Variants in MDGA2 observed in about 807,000 individuals in gnomAD.
MDGA2 encodes the protein MAM domain-containing glycosylphosphatidylinositol anchor protein 2.
Under a neutral mutation model 117.8 loss-of-function variants are expected in MDGA2, and 40 were observed. The observed-to-expected ratio is 0.34, with a 90% CI of 0.26 to 0.44. The LOEUF (loss-of-function observed/expected upper bound fraction) is 0.44, where lower values mean the gene tolerates loss of function less well. Among genes scored for constraint, MDGA2 ranks in the 20% least tolerant of loss-of-function variants. The pLI is 1.00. For missense variants in MDGA2, 1,123 were observed against 1,250.6 expected (o/e 0.90, Z 1.54); for synonymous variants, 452 against 439.0 (o/e 1.03, Z -0.37).
At chr14:47,135,559 C>G (rs959871668) in intron 4 of MDGA2, among the ~76,000 whole-genome samples, 1 of 151,920 alleles carries the variant, frequency 6.6e-6, no homozygotes, top group South Asian at 2.1e-4. Flanking sequence ...GTCTCTTATC[C>G]TTTTGGATCT....
intron 5 of MDGA2, 89 bp downstream of exon 5, chr14:47,131,625 A>T: frequency 9.4e-7 from 1 of 1,062,442 alleles, no homozygotes; most frequent in Non-Finnish European, 1.3e-6. Flanking sequence ...TACACCGTAG[A>T]AATCATTTGG....
At chr14:47,615,650 T>C (rs1206866065) in intron 1 of MDGA2, among the ~76,000 whole-genome samples, 2 of 152,200 alleles carry the variant, frequency 1.3e-5, no homozygotes, top group Non-Finnish European at 2.9e-5. Context: ...AAATGCACAT[T>C]GACACAGTCC....
intron 3 of MDGA2, among the ~76,000 whole-genome samples, chr14:47,151,241 A>G (rs1175792851): frequency 6.6e-6 from 1 of 152,192 alleles, no homozygotes; most frequent in Admixed American, 6.5e-5. Flanking sequence ...TTCAGTTGAG[A>G]AGGCCTTTCA....
chr14:47,036,975 T>C (rs898154607), intron 7 of MDGA2, among the ~76,000 whole-genome samples: 1 of 152,242 alleles, frequency 6.6e-6, no homozygotes, highest in Non-Finnish European at 1.5e-5. Flanking sequence ...GATATATACA[T>C]CCTAGAAATT....
chr14:47,456,277 G>A (rs562266849), intron 1 of MDGA2, among the ~76,000 whole-genome samples: 4 of 147,204 alleles, frequency 2.7e-5, no homozygotes, highest in African/African-American at 1.0e-4. Flanking sequence ...GTCAGTGTGA[G>A]CAAGAAAATT....
chr14:47,386,706 TAAG>T (rs1377695776), intron 1 of MDGA2, among the ~76,000 whole-genome samples: 1 of 152,158 alleles, frequency 6.6e-6, no homozygotes, highest in Non-Finnish European at 1.5e-5. Context: ...TAAATAATAA[TAAG>T]AAGAAGAATC....
At chr14:47,540,052 G>A (rs1566505613) in intron 1 of MDGA2, among the ~76,000 whole-genome samples, 1 of 151,920 alleles carries the variant, frequency 6.6e-6, no homozygotes, top group Admixed American at 6.6e-5. Context: ...TCTCGCTGCC[G>A]CCCAGGCTGG....
At chr14:47,309,774 T>G (rs1889576455) in intron 1 of MDGA2, among the ~76,000 whole-genome samples, 1 of 152,144 alleles carries the variant, frequency 6.6e-6, no homozygotes, top group African/African-American at 2.4e-5. Flanking sequence ...AATTACTTGT[T>G]TATGTGCAGT....
chr14:46,868,783 CCA>C (rs993800325), intron 14 of MDGA2, among the ~76,000 whole-genome samples: 3 of 151,992 alleles, frequency 2.0e-5, no homozygotes, highest in Non-Finnish European at 4.4e-5. Flanking sequence ...CTCCCATTTA[CCA>C]CTCTCCTAAA....
At chr14:47,626,587 C>G (rs1206759618) in intron 1 of MDGA2, 3 of 152,304 alleles carry the variant, frequency 2.0e-5, no homozygotes, top group Non-Finnish European at 2.9e-5. Context: ...GGGGGCTGCG[C>G]CCGGCGCTTG....
At chr14:47,388,323 T>C (rs1013646195) in intron 1 of MDGA2, among the ~76,000 whole-genome samples, 2 of 152,148 alleles carry the variant, frequency 1.3e-5, no homozygotes, top group Non-Finnish European at 2.9e-5. Context: ...GAGAATAGTA[T>C]ACTGAAGTAA....
At chr14:47,206,484 A>G (rs532035339) in intron 3 of MDGA2, among the ~76,000 whole-genome samples, 2 of 152,030 alleles carry the variant, frequency 1.3e-5, no homozygotes, top group South Asian at 4.2e-4. Flanking sequence ...CCAGCTACTC[A>G]AGAGGCTGGG....
intron 1 of MDGA2, among the ~76,000 whole-genome samples, chr14:47,635,433 C>G (rs922945652): frequency 1.3e-5 from 2 of 152,138 alleles, no homozygotes; most frequent in Middle Eastern, 3.4e-3. Context: ...GTATCTAACA[C>G]AGAGCAGATG....
intron 10 of MDGA2, among the ~76,000 whole-genome samples, chr14:46,903,746 T>G (rs1398849807): frequency 6.6e-6 from 1 of 152,222 alleles, no homozygotes; most frequent in East Asian, 1.9e-4. Flanking sequence ...CCTGTTTTAC[T>G]CTATGGCAAA....
chr14:46,940,324 T>C, intron 9 of MDGA2, among the ~76,000 whole-genome samples: 1 of 152,144 alleles, frequency 6.6e-6, no homozygotes, highest in East Asian at 1.9e-4. Flanking sequence ...AAGCTATATC[T>C]TTCCTTAAAA....
At chr14:46,847,001 T>A (rs944464842) in intron 15 of MDGA2, among the ~76,000 whole-genome samples, 1 of 152,028 alleles carries the variant, frequency 6.6e-6, no homozygotes, top group African/African-American at 2.4e-5. Flanking sequence ...CAAATCAGAG[T>A]CATCTCTGAA....
chr14:47,066,387 G>A (rs1014284933), intron 6 of MDGA2, among the ~76,000 whole-genome samples: 4 of 152,178 alleles, frequency 2.6e-5, no homozygotes, highest in Non-Finnish European at 5.9e-5. Context: ...GCAGTCTTGT[G>A]TTCTGAGATG....
intron 1 of MDGA2, among the ~76,000 whole-genome samples, chr14:47,512,124 G>C (rs552746398): frequency 2.6e-5 from 4 of 152,232 alleles, no homozygotes; most frequent in African/African-American, 9.6e-5. Context: ...ACTGCCCATT[G>C]AACACCATGC....
chr14:46,876,620 C>T (rs562229659), intron 12 of MDGA2, among the ~76,000 whole-genome samples: 124 of 151,484 alleles, frequency 8.2e-4, no homozygotes, highest in Admixed American at 3.6e-3. Flanking sequence ...CTTAAATATT[C>T]TCCATTACGT....
Sources: allele counts gnomAD v4.1 joint callset (sites outside exome capture counted in the v4.1 genomes callset), GRCh38; gene constraint gnomAD v4.1.1; transcripts MANE v1.5; gene names NCBI Gene and HGNC (gene_info 2026-07-23, HGNC 2026-07-21).